The following NALF1 variants were observed in gnomAD, a reference collection of about 807,000 sequenced individuals.
NALF1 encodes family with sequence similarity 155 member A.
NALF1 carries 3 observed loss-of-function variants against 48.4 expected under a neutral mutation model. The observed-to-expected ratio is 0.06, with a 90% CI of 0.03 to 0.16. The LOEUF (loss-of-function observed/expected upper bound fraction) is 0.16, where lower values mean the gene tolerates loss of function less well. Ranked by LOEUF, NALF1 falls within the 10% of genes least tolerant of loss-of-function variation. The probability of loss-of-function intolerance (pLI) is 1.00; values close to 1 mark genes in which losing one functional copy is unlikely to be tolerated. For synonymous variants in NALF1, 262 were observed against 245.7 expected (o/e 1.07, Z -0.62); for missense variants, 526 against 571.5 (o/e 0.92, Z 0.81).
At chr13:107,192,216 A>T (rs1304582228) in intron 2 of NALF1, among the ~76,000 whole-genome samples, 1 of 152,238 alleles carries the variant, frequency 6.6e-6, no homozygotes, top group Non-Finnish European at 1.5e-5. Flanking sequence ...TAATTATAAT[A>T]ACCTGTGGTA....
chr13:107,444,476 C>A (rs1229954590), intron 1 of NALF1, among the ~76,000 whole-genome samples: 1 of 151,844 alleles, frequency 6.6e-6, no homozygotes, highest in African/African-American at 2.4e-5. Flanking sequence ...TTTCTCATAT[C>A]TTAGTATACT....
rs115180200 is a variant in NALF1, at chr13:107,293,640, A to T, written c.916-82885T>A. Among the ~76,000 whole-genome samples the T allele has an allele frequency of 3.5e-3, 536 of 152,328 alleles. 2 individuals are homozygous for T. The highest frequency in any genetic ancestry group is 0.014 in the Middle Eastern group (4 of 294). On this transcript the variant is annotated intron_variant, in intron 1 of 2. Transcript: ENST00000375915. ...TGGTCACTTGAACTGGCCATTTCAT[A>T]GGCAAGCTTTAGGCAGTGGCTCTGA...
Position 107,169,958 on chromosome 13 carries a change from AT to A in NALF1, c.*538del, listed in dbSNP as rs11302786. ...AGACTTAGGGATTTTTTTTATTTTT[AT>A]TTTTTTGTTGTTTTCTTTTTTTTGT... On this transcript the variant is annotated 3_prime_UTR_variant, in exon 3 of 3. Transcript: ENST00000375915. 0.61 allele frequency: 92,503 copies of A among 151,922 alleles called. 28,416 individuals carry two copies. The highest frequency in any genetic ancestry group is 0.69 in the African/African-American group (28,340 of 41,252). 9.4% of individuals were successfully genotyped at this position (151,922 alleles called of 1,614,324 possible). A position where few individuals can be genotyped will look rare whatever the true frequency, so the allele number is the denominator to read the frequency against.
At chr13:107,395,217 A>G (rs1411078116) in intron 1 of NALF1, among the ~76,000 whole-genome samples, 7 of 152,144 alleles carry the variant, frequency 4.6e-5, no homozygotes, top group African/African-American at 1.7e-4. Context: ...TTTTTTAAAA[A>G]CAAGATCATC....
At chr13:107,542,702 G>A (rs887279167) in intron 1 of NALF1, among the ~76,000 whole-genome samples, 4 of 152,136 alleles carry the variant, frequency 2.6e-5, no homozygotes, top group East Asian at 1.9e-4. Context: ...AAAACAATAC[G>A]TTAGTAGTTC....
chr13:107,298,045 A>C (rs2138889277), intron 1 of NALF1, among the ~76,000 whole-genome samples: 1 of 152,218 alleles, frequency 6.6e-6, no homozygotes, highest in African/African-American at 2.4e-5. Flanking sequence ...TTTGCATTGA[A>C]GTTTGGGCAA....
chr13:107,859,914 C>CAAAAAAAAAA (rs778833499), intron 1 of NALF1, among the ~76,000 whole-genome samples: 4 of 66,488 alleles, frequency 6.0e-5, no homozygotes, highest in Non-Finnish European at 8.9e-5. Context: ...AACTCCAACT[C>CAAAAAAAAAA]AAAAAAAAAA....
At chr13:107,860,225 C>A (rs1360806722) in intron 1 of NALF1, among the ~76,000 whole-genome samples, 1 of 152,170 alleles carries the variant, frequency 6.6e-6, no homozygotes, top group African/African-American at 2.4e-5. Flanking sequence ...AGTTAGTTCA[C>A]TTCTCATGCA....
chr13:107,580,980 T>C (rs558085218), intron 1 of NALF1, among the ~76,000 whole-genome samples: 28 of 152,214 alleles, frequency 1.8e-4, no homozygotes, highest in Non-Finnish European at 3.8e-4. Flanking sequence ...AGGCTTTAAA[T>C]GAGTTGGAGA....
At chr13:107,441,535 T>C (rs1238371843) in intron 1 of NALF1, among the ~76,000 whole-genome samples, 1 of 152,094 alleles carries the variant, frequency 6.6e-6, no homozygotes, top group Non-Finnish European at 1.5e-5. Flanking sequence ...TCACTCCCTG[T>C]GTGGGTGAAT....
intron 1 of NALF1, among the ~76,000 whole-genome samples, chr13:107,734,770 TTAA>T (rs1566462202): frequency 6.6e-6 from 1 of 152,052 alleles, no homozygotes; most frequent in African/African-American, 2.4e-5. Flanking sequence ...TGGGCTCCCA[TTAA>T]TAATGATGAT....
chr13:107,859,812 G>A (rs1880520795), intron 1 of NALF1, among the ~76,000 whole-genome samples: 1 of 149,558 alleles, frequency 6.7e-6, no homozygotes, highest in African/African-American at 2.5e-5. Flanking sequence ...CTACTCAGGA[G>A]ACTGAGGCAG....
chr13:107,232,861 C>T (rs1301488311), intron 1 of NALF1, among the ~76,000 whole-genome samples: 1 of 152,184 alleles, frequency 6.6e-6, no homozygotes, highest in Non-Finnish European at 1.5e-5. Context: ...GTGCTCCTAC[C>T]ACATTCCAGA....
intron 1 of NALF1, among the ~76,000 whole-genome samples, chr13:107,393,585 G>C (rs1194508109): frequency 6.6e-6 from 1 of 152,242 alleles, no homozygotes; most frequent in African/African-American, 2.4e-5. Flanking sequence ...CAGTGGGCCC[G>C]CCCATAGGTT....
chr13:107,565,534 G>A (rs1413122719), intron 1 of NALF1, among the ~76,000 whole-genome samples: 3 of 152,100 alleles, frequency 2.0e-5, no homozygotes, highest in Admixed American at 6.6e-5. Flanking sequence ...GAAGAAACAC[G>A]AAGATATTTT....
At chr13:107,582,755 A>G (rs1878350744) in intron 1 of NALF1, among the ~76,000 whole-genome samples, 1 of 152,198 alleles carries the variant, frequency 6.6e-6, no homozygotes, top group Admixed American at 6.5e-5. Context: ...TTTAAGATCA[A>G]AGAATTCTAA....
At chr13:107,826,048 G>A (rs1439707652) in intron 1 of NALF1, among the ~76,000 whole-genome samples, 4 of 152,172 alleles carry the variant, frequency 2.6e-5, no homozygotes, top group African/African-American at 9.7e-5. Context: ...CAAAGTGCTG[G>A]GATTACAGGC....
At chr13:107,620,680 C>G (rs967710812) in intron 1 of NALF1, among the ~76,000 whole-genome samples, 1 of 152,084 alleles carries the variant, frequency 6.6e-6, no homozygotes, top group African/African-American at 2.4e-5. Context: ...GTTTAGTATA[C>G]AAAAACACTC....
intron 1 of NALF1, among the ~76,000 whole-genome samples, chr13:107,680,873 G>GGTGT (rs34317926): frequency 1.4e-5 from 2 of 147,934 alleles, no homozygotes; most frequent in Non-Finnish European, 3.0e-5. Flanking sequence ...CAAATGTAAG[G>GGTGT]GTGTGTGTGT....
Sources: allele counts gnomAD v4.1 joint callset (sites outside exome capture counted in the v4.1 genomes callset), GRCh38; gene constraint gnomAD v4.1.1; transcripts MANE v1.5; gene names NCBI Gene and HGNC (gene_info 2026-07-23, HGNC 2026-07-21).